TSC22D2: variants seen among roughly 807,000 people sequenced by gnomAD.
The protein encoded by TSC22D2 is TSC22 domain family protein 2.
Under a neutral mutation model 50.1 loss-of-function variants are expected in TSC22D2, and 5 were observed. That is an observed-to-expected ratio of 0.10 (90% CI 0.05 to 0.21). TSC22D2 has a LOEUF of 0.21. Among genes scored for constraint, TSC22D2 ranks in the 10% least tolerant of loss-of-function variants. TSC22D2 has a pLI of 1.00. For synonymous variants in TSC22D2, 501 were observed against 450.1 expected (o/e 1.11, Z -1.43); for missense variants, 1,003 against 1,015.5 (o/e 0.99, Z 0.17).
intron 1 of TSC22D2, among the ~76,000 whole-genome samples, chr3:150,419,663 A>G (rs1719940541): frequency 6.6e-6 from 1 of 152,130 alleles, no homozygotes; most frequent in South Asian, 2.1e-4. Flanking sequence ...CTACAAAGAT[A>G]GTGTCTTGCA....
At chr3:150,432,265 A>G (rs551821839) in intron 1 of TSC22D2, among the ~76,000 whole-genome samples, 8 of 152,288 alleles carry the variant, frequency 5.3e-5, no homozygotes, top group Admixed American at 5.2e-4. Context: ...CTTCCTCTTT[A>G]GTAAATTTAA....
At chr3:150,448,234 AGGAGGCCAAGGTG>A (rs1720941131) in intron 1 of TSC22D2, among the ~76,000 whole-genome samples, 2 of 151,464 alleles carry the variant, frequency 1.3e-5, no homozygotes, top group African/African-American at 4.8e-5. Flanking sequence ...CTAGCTACTC[AGGAGGCCAAGGTG>A]GGAGGATTGC....
chr3:150,411,118 C>G lies in TSC22D2; in HGVS notation c.1768C>G (p.Gln590Glu). ...AACTCAGACCCAGCCTTTAGTCGGG[C>G]AAGTCGACGATACTAGAAGAAAATC... ...FQTQTQPLVGQVDDTRRKSEP... is the reference protein window; with the variant it reads ...FQTQTQPLVGEVDDTRRKSEP... Residue 590 changes from glutamine (Q) to glutamate (E), a missense_variant, in exon 1 of 3, where the codon CAA becomes GAA. By Grantham distance (29) the Gln-to-Glu change is conservative (BLOSUM62 2). Transcript: ENST00000688009. The G allele has an allele frequency of 5.0e-6, 8 of 1,614,146 alleles. No individual in the cohort carries two copies. The highest frequency in any genetic ancestry group is 6.8e-6 in the Non-Finnish European group (8 of 1,180,026).
In TSC22D2 at chr3:150,410,703, T is replaced by A; in HGVS notation, c.1353T>A (p.Pro451=). Residue 451 remains proline, a synonymous_variant, in exon 1 of 3, where the codon CCT becomes CCA. Transcript: ENST00000688009. Reference sequence around the variant, plus strand: ...CAGCGCAAGGCGGGCAGGTCGCGCCTTGTCAGCCGACTGGAGTGCCCCCGG... The same window carrying A: ...CAGCGCAAGGCGGGCAGGTCGCGCCATGTCAGCCGACTGGAGTGCCCCCGG... ...TGPAQGGQVA[P]CQPTGVPPAT... The A allele has an allele frequency of 6.3e-7, 1 of 1,575,842 alleles. No homozygotes were observed. Among genetic ancestry groups the A allele is most frequent in the East Asian group, 2.4e-5 (1 of 42,454 alleles).
intron 1 of TSC22D2, among the ~76,000 whole-genome samples, chr3:150,433,805 T>G (rs1720450758): frequency 6.6e-6 from 1 of 152,228 alleles, no homozygotes; most frequent in Non-Finnish European, 1.5e-5. Flanking sequence ...CTGAGCACAG[T>G]GGCTCATGCC....
intron 1 of TSC22D2, 48 bp from the exon 2 acceptor site, chr3:150,457,024 TGGAA>T (rs1182813505): frequency 6.9e-5 from 103 of 1,502,532 alleles, no homozygotes; most frequent in Middle Eastern, 2.0e-4. Flanking sequence ...TTTTAAGAGT[TGGAA>T]GGGAGGTTAA....
chr3:150,409,436 A>G lies in TSC22D2; in HGVS notation c.86A>G (p.Asp29Gly). The G allele has an allele frequency of 6.2e-7, 1 of 1,613,288 alleles. No homozygotes were observed. The highest frequency in any genetic ancestry group is 8.5e-7 in the Non-Finnish European group (1 of 1,179,778). The change falls in exon 1 of 3, where the codon GAC becomes GGC. Residue 29 changes from aspartate to glycine, a missense_variant. By Grantham distance (94) the Asp-to-Gly change is moderately conservative. This residue lies in a region of TSC22D2 where 200 missense variants were observed against 182.8 expected (regional missense o/e 1.09). Coordinates refer to ENST00000688009, the MANE Select transcript of TSC22D2 (RefSeq NM_001303264.2). This position sits in a 1 kb window ranked among gnomAD's most constrained non-coding sequence, Gnocchi z 7.4. ...TAQVATSITEDTESLDDPDES... is the reference protein window; with the variant it reads ...TAQVATSITEGTESLDDPDES... Reference sequence around the variant, plus strand: ...CAGGTGGCCACTAGCATCACCGAGGACACCGAGAGCTTGGACGACCCGGAC... The same window carrying G: ...CAGGTGGCCACTAGCATCACCGAGGGCACCGAGAGCTTGGACGACCCGGAC...
intron 1 of TSC22D2, among the ~76,000 whole-genome samples, chr3:150,447,672 C>T (rs1237081315): frequency 6.6e-6 from 1 of 152,156 alleles, no homozygotes; most frequent in Non-Finnish European, 1.5e-5. Flanking sequence ...AATAAAGCCC[C>T]AGGCATCCTT....
chr3:150,409,123 T>C lies in TSC22D2; in HGVS notation c.-228T>C, dbSNP rs1394474562. On this transcript the variant is annotated 5_prime_UTR_variant, in exon 1 of 3. Transcript: ENST00000688009. This position sits in a 1 kb window ranked among gnomAD's most constrained non-coding sequence, Gnocchi z 7.4. ...AAGGAAGGAGGAGCCGCCGCGGGAC[T>C]GAGACGGGGGCAGAGCCGAAGAGAC... The C allele has an allele frequency of 2.3e-6, 1 of 435,314 alleles. No homozygotes were observed. The highest frequency in any genetic ancestry group is 3.7e-5 in the Admixed American group (1 of 27,030). The allele number at this position is 435,314 out of a possible 1,614,324, so 27.0% of individuals were successfully genotyped here.
chr3:150,443,740 G>C (rs1490813165), intron 1 of TSC22D2, among the ~76,000 whole-genome samples: 1 of 152,124 alleles, frequency 6.6e-6, no homozygotes, highest in African/African-American at 2.4e-5. Flanking sequence ...ATTCAGTAGA[G>C]AGTGAGATTA....
intron 1 of TSC22D2, among the ~76,000 whole-genome samples, chr3:150,413,233 G>C (rs1719657861): frequency 6.6e-6 from 1 of 152,170 alleles, no homozygotes; most frequent in South Asian, 2.1e-4. Context: ...TGAAAACTCT[G>C]ATTTCCAAAT....
At chr3:150,437,592 G>A (rs976288991) in intron 1 of TSC22D2, among the ~76,000 whole-genome samples, 1 of 151,398 alleles carries the variant, frequency 6.6e-6, no homozygotes, top group African/African-American at 2.4e-5. Flanking sequence ...CACGAGGTCA[G>A]AGATCGAGAC....
Position 150,446,139 on chromosome 3 carries a change from A to G in TSC22D2, c.1959-10937A>G, listed in dbSNP as rs759616223. 5.1e-4 allele frequency among the ~76,000 whole-genome samples: 77 copies of G among 151,454 alleles called. 1 individual carries two copies. Among genetic ancestry groups the G allele is most frequent in the Non-Finnish European group, 2.5e-4 (17 of 67,876 alleles). ...ATCAGCTAGTCTAATTCTAAAGTCT[A>G]TGCTTTTAAGCCATTTTATTATTCT... On this transcript the variant is annotated intron_variant, in intron 1 of 2. Coordinates refer to ENST00000688009, the MANE Select transcript of TSC22D2 (RefSeq NM_001303264.2).
chr3:150,428,102 T>C (rs574856859), intron 1 of TSC22D2, among the ~76,000 whole-genome samples: 1 of 152,274 alleles, frequency 6.6e-6, no homozygotes, highest in South Asian at 2.1e-4. Context: ...TTAGTCATTG[T>C]GTCTTCCATT....
chr3:150,451,420 T>C (rs1721039932), intron 1 of TSC22D2, among the ~76,000 whole-genome samples: 1 of 152,176 alleles, frequency 6.6e-6, no homozygotes, highest in African/African-American at 2.4e-5. Flanking sequence ...CTGAACCTCT[T>C]CTAGGAATTT....
At chr3:150,447,437 G>A (rs1277663538) in intron 1 of TSC22D2, among the ~76,000 whole-genome samples, 1 of 152,160 alleles carries the variant, frequency 6.6e-6, no homozygotes, top group African/African-American at 2.4e-5. Flanking sequence ...GATTACTCTG[G>A]AGTTCTCAAT....
At chr3:150,443,528 C>T (rs1400825897) in intron 1 of TSC22D2, among the ~76,000 whole-genome samples, 1 of 152,188 alleles carries the variant, frequency 6.6e-6, no homozygotes, top group African/African-American at 2.4e-5. Flanking sequence ...ACAAGGACTT[C>T]ATGGGAAACC....
chr3:150,416,813 A>G (rs1403041752), intron 1 of TSC22D2, among the ~76,000 whole-genome samples: 2 of 152,128 alleles, frequency 1.3e-5, no homozygotes, highest in African/African-American at 2.4e-5. Context: ...CCTGTATGAA[A>G]GTATTGCATG....
At chr3:150,447,495 C>T (rs1156949011) in intron 1 of TSC22D2, among the ~76,000 whole-genome samples, 5 of 152,194 alleles carry the variant, frequency 3.3e-5, no homozygotes, top group Non-Finnish European at 7.3e-5. Flanking sequence ...CAGGATTCTA[C>T]ATTTCCATGT....
Sources: gnomAD v4.1 joint callset for allele counts (sites outside exome capture counted in the v4.1 genomes callset) on GRCh38, gnomAD v4.1.1 for gene constraint, gnomAD v4.1.1 regional missense constraint, Gnocchi (gnomAD v3.1) non-coding constraint, MANE v1.5 for transcripts, NCBI Gene and HGNC (gene_info 2026-07-23, HGNC 2026-07-21) for gene names.